GLIS3: variants seen among roughly 807,000 people sequenced by gnomAD.
GLIS3 encodes the protein zinc finger protein GLIS3.
GLIS3 carries 53 observed loss-of-function variants against 78.6 expected under a neutral mutation model. That is an observed-to-expected ratio of 0.67 (90% CI 0.54 to 0.85). GLIS3 has a LOEUF of 0.85. GLIS3 is among the 40% of genes least tolerant of loss of function. The probability of loss-of-function intolerance (pLI) is 0.00; values close to 1 mark genes in which losing one functional copy is unlikely to be tolerated. For missense variants in GLIS3, 1,703 were observed against 1,231.1 expected (o/e 1.38, Z -5.74); for synonymous variants, 684 against 509.9 (o/e 1.34, Z -4.60).
At chr9:4,269,411 G>A (rs541850017) in intron 2 of GLIS3, among the ~76,000 whole-genome samples, 1 of 152,168 alleles carries the variant, frequency 6.6e-6, no homozygotes, top group African/African-American at 2.4e-5. Context: ...TATACTGCCA[G>A]CTACAGTGCA....
intron 4 of GLIS3, among the ~76,000 whole-genome samples, chr9:4,048,128 T>TCA (rs774046515): frequency 6.6e-6 from 1 of 152,190 alleles, no homozygotes; most frequent in Non-Finnish European, 1.5e-5. Flanking sequence ...TTCTGTGTGT[T>TCA]CACACTGAAT....
chr9:4,433,693 C>G, the GLIS3 span, among the ~76,000 whole-genome samples: 1 of 152,214 alleles, frequency 6.6e-6, no homozygotes, highest in African/African-American at 2.4e-5. Context: ...GTGATGCAAA[C>G]CTGTTGGGCT....
chr9:4,248,396 T>C (rs1824011415), intron 2 of GLIS3, among the ~76,000 whole-genome samples: 5 of 152,212 alleles, frequency 3.3e-5, no homozygotes. Flanking sequence ...GCTTCATCCA[T>C]GTCCCTGTAA....
At chr9:4,093,044 T>C (rs368376993) in intron 4 of GLIS3, among the ~76,000 whole-genome samples, 5 of 152,194 alleles carry the variant, frequency 3.3e-5, no homozygotes, top group East Asian at 3.8e-4. Flanking sequence ...GGGGCCACTG[T>C]TGTATGTGTA....
chr9:4,454,150 T>TTAAAA, the GLIS3 span, among the ~76,000 whole-genome samples: 1 of 128,852 alleles, frequency 7.8e-6, no homozygotes, highest in Non-Finnish European at 1.6e-5. Flanking sequence ...TATATGATGA[T>TTAAAA]AAAAAAAAAA....
At position 3,828,115 on chromosome 9, in the gene GLIS3, C is replaced by G; in HGVS notation, c.*157G>C. 1.3e-6 allele frequency: 1 copy of G among 791,520 alleles called. No homozygotes were observed. Among genetic ancestry groups the G allele is most frequent in the South Asian group, 1.5e-5 (1 of 64,738 alleles). 49.0% of individuals were successfully genotyped at this position (791,520 alleles called of 1,614,324 possible). On this transcript the variant is annotated 3_prime_UTR_variant, in exon 11 of 11. Coordinates refer to ENST00000381971, the MANE Select transcript of GLIS3 (RefSeq NM_001042413.2). Reference sequence around the variant, plus strand: ...TGTAATGATTCCTGCAAAGCTAGCTCTGCCATTCAGTCCTGCCTTCTGAAA... The same window carrying G: ...TGTAATGATTCCTGCAAAGCTAGCTGTGCCATTCAGTCCTGCCTTCTGAAA...
chr9:4,349,288 T>C (rs542392321), upstream of GLIS3, among the ~76,000 whole-genome samples: 16 of 152,358 alleles, frequency 1.1e-4, no homozygotes, highest in African/African-American at 3.1e-4. Context: ...TTAAATATTT[T>C]ATGCAACCAT....
chr9:4,158,767 A>G (rs1277059088), intron 2 of GLIS3, among the ~76,000 whole-genome samples: 2 of 152,226 alleles, frequency 1.3e-5, no homozygotes, highest in East Asian at 3.8e-4. Context: ...AGAATATACA[A>G]TAATATGAGT....
intron 4 of GLIS3, among the ~76,000 whole-genome samples, chr9:4,061,983 G>A (rs1282433296): frequency 9.8e-5 from 15 of 152,298 alleles, no homozygotes; most frequent in Middle Eastern, 3.4e-3. Context: ...GAAGGTGGCA[G>A]GACTCCTCAT....
At chr9:3,841,146 C>T (rs1818690568) in intron 9 of GLIS3, among the ~76,000 whole-genome samples, 1 of 152,148 alleles carries the variant, frequency 6.6e-6, no homozygotes. Context: ...TGAATATCCC[C>T]AAACCACCCA....
At chr9:4,342,378 T>C (rs116530433) in intron 2 of GLIS3, among the ~76,000 whole-genome samples, 2,772 of 152,292 alleles carry the variant, frequency 0.018, 92 homozygotes, top group African/African-American at 0.062. Context: ...CCTGTTCTTG[T>C]TGATTTTGTC....
chr9:4,162,639 C>G (rs1371573869), intron 2 of GLIS3, among the ~76,000 whole-genome samples: 2 of 152,006 alleles, frequency 1.3e-5, no homozygotes, highest in African/African-American at 4.8e-5. Context: ...GTGGGCAGAT[C>G]ACGAGGTCAG....
intron 4 of GLIS3, among the ~76,000 whole-genome samples, chr9:4,056,372 T>C (rs1157403170): frequency 2.6e-5 from 4 of 152,216 alleles, no homozygotes; most frequent in Non-Finnish European, 4.4e-5. Context: ...TTTAAGCTAC[T>C]AGTTTTAACA....
At chr9:4,128,232 T>A (rs779302377) in intron 2 of GLIS3, among the ~76,000 whole-genome samples, 24 of 152,216 alleles carry the variant, frequency 1.6e-4, no homozygotes, top group Non-Finnish European at 8.8e-5. Context: ...TCACCTCCTA[T>A]ATGACCTCCT....
intron 2 of GLIS3, among the ~76,000 whole-genome samples, chr9:4,187,276 T>C (rs1817893932): frequency 1.3e-5 from 2 of 152,248 alleles, no homozygotes; most frequent in South Asian, 2.1e-4. Flanking sequence ...TGCTTGTTTT[T>C]CTCAGGTTTG....
chr9:4,262,625 T>C (rs1825633339), intron 2 of GLIS3, among the ~76,000 whole-genome samples: 1 of 152,162 alleles, frequency 6.6e-6, no homozygotes, highest in Non-Finnish European at 1.5e-5. Context: ...AGATATAAAT[T>C]GATGAGAAGG....
At chr9:4,130,469 C>T (rs1453182016) in intron 2 of GLIS3, among the ~76,000 whole-genome samples, 1 of 152,254 alleles carries the variant, frequency 6.6e-6, no homozygotes, top group Non-Finnish European at 1.5e-5. Flanking sequence ...CTGCACTGCA[C>T]AGCCTCCAAA....
rs549936955 is a variant in GLIS3 at position 4,218,569 on chromosome 9, C to T, written c.388+67469G>A. Among the ~76,000 whole-genome samples the T allele has an allele frequency of 4.3e-3, 656 of 152,312 alleles. 10 individuals carry two copies. Among genetic ancestry groups the T allele is most frequent in the African/African-American group, 0.015 (610 of 41,576 alleles). On this transcript the variant is annotated intron_variant, in intron 2 of 10. Transcript: ENST00000381971. ...CTGGGATTACAGGCGTGAGCCACCGCGCCCGGCCTTGAACTTTTTACAATA... is the reference window on the plus strand; with the variant it reads ...CTGGGATTACAGGCGTGAGCCACCGTGCCCGGCCTTGAACTTTTTACAATA...
intron 4 of GLIS3, among the ~76,000 whole-genome samples, chr9:4,001,968 C>T (rs1425040228): frequency 2.0e-5 from 3 of 152,148 alleles, no homozygotes; most frequent in Non-Finnish European, 4.4e-5. Flanking sequence ...AAACAGTGGC[C>T]CCTCTAATAA....
Sources: gnomAD v4.1 joint callset for allele counts (sites outside exome capture counted in the v4.1 genomes callset) on GRCh38, gnomAD v4.1.1 for gene constraint, MANE v1.5 for transcripts, NCBI Gene and HGNC (gene_info 2026-07-23, HGNC 2026-07-21) for gene names.